The following TSHR variants were observed in gnomAD, a reference collection of about 807,000 sequenced individuals.
TSHR encodes thyroid stimulating hormone receptor, also known as thyrotropin receptor.
TSHR carries 51 observed loss-of-function variants against 64.1 expected under a neutral mutation model. The ratio of observed to expected loss-of-function variants is 0.80; its 90% CI spans 0.64 to 1.01. TSHR has a LOEUF of 1.01. Among genes scored for constraint, TSHR ranks in the 50% least tolerant of loss-of-function variants. The pLI is 0.00. For missense variants in TSHR, 877 were observed against 942.8 expected, an observed-to-expected ratio of 0.93 and a Z score of 0.91; for synonymous variants, 361 against 361.9, an observed-to-expected ratio of 1.00 and a Z score of 0.03.
chr14:81,091,667 A>G (rs971271465), intron 5 of TSHR, among the ~76,000 whole-genome samples: 2 of 152,252 alleles, frequency 1.3e-5, no homozygotes, highest in African/African-American at 2.4e-5. Flanking sequence ...CACACATGAC[A>G]TTTGCTCCTC....
intron 1 of TSHR, among the ~76,000 whole-genome samples, chr14:80,999,926 C>CTTTTTTTTTTTTTTTTTTTTTTT (rs887541689): frequency 7.0e-6 from 1 of 142,872 alleles, no homozygotes; most frequent in African/African-American, 2.6e-5. Flanking sequence ...AATTTTTTTT[C>CTTTTTTTTTTTTTTTTTTTTTTT]TTTTTTTTCT....
At chr14:81,024,317 C>T (rs1217755594) in intron 1 of TSHR, among the ~76,000 whole-genome samples, 10 of 151,944 alleles carry the variant, frequency 6.6e-5, no homozygotes, top group Admixed American at 2.0e-4. Context: ...GGCGCAATCT[C>T]GGCTCACTGC....
At chr14:81,035,162 C>A (rs562859846) in intron 1 of TSHR, among the ~76,000 whole-genome samples, 1 of 152,214 alleles carries the variant, frequency 6.6e-6, no homozygotes, top group South Asian at 2.1e-4. Context: ...AGAGTTGAAG[C>A]GGCCCTGAAA....
intron 3 of TSHR, among the ~76,000 whole-genome samples, chr14:81,083,311 T>G (rs772409942): frequency 3.9e-5 from 6 of 152,218 alleles, no homozygotes; most frequent in Non-Finnish European, 8.8e-5. Context: ...GCATGCTGAA[T>G]TATTGATCTG....
chr14:81,027,692 A>G (rs150083785), intron 1 of TSHR, among the ~76,000 whole-genome samples: 21 of 152,318 alleles, frequency 1.4e-4, no homozygotes, highest in African/African-American at 4.6e-4. Context: ...ATGAGCTTTA[A>G]AAAAGCTGTT....
At chr14:81,125,049 C>T (rs1020025829) in intron 8 of TSHR, among the ~76,000 whole-genome samples, 16 of 152,158 alleles carry the variant, frequency 1.1e-4, no homozygotes, top group Admixed American at 2.6e-4. Flanking sequence ...GGATAAGACA[C>T]AGCCTCTGCT....
chr14:81,062,352 T>G, intron 2 of TSHR, 133 bp downstream of exon 2: 2 of 621,544 alleles, frequency 3.2e-6, no homozygotes. Flanking sequence ...TATATGACAA[T>G]TTTATGTACA....
chr14:81,144,435 C>A lies in TSHR; in HGVS notation c.*82C>A. 1 of 1,385,890 alleles carries A rather than the reference C, an allele frequency of 7.2e-7. No individual in the cohort carries two copies. The highest frequency in any genetic ancestry group is 1.2e-5 in the South Asian group (1 of 84,678). 85.8% of individuals were successfully genotyped at this position (1,385,890 alleles called of 1,614,324 possible). ...ATATGCATTCCAATCCCATGACACC[C>A]CCAACACATAGCTGCCCTCACTCTT... is the stretch of plus-strand genomic sequence containing the variant. On this transcript the variant is annotated 3_prime_UTR_variant, in exon 10 of 10. Coordinates refer to ENST00000298171, the MANE Select transcript of TSHR (RefSeq NM_000369.5).
At chr14:81,048,403 C>T (rs188799175) in intron 1 of TSHR, among the ~76,000 whole-genome samples, 18 of 152,212 alleles carry the variant, frequency 1.2e-4, no homozygotes, top group Admixed American at 1.0e-3. Context: ...GGGCTTTCTT[C>T]TGTTATTATT....
At position 81,031,881 on chromosome 14, in the gene TSHR, A is replaced by G. The variant is rs1370332727; in HGVS notation, c.171-30267A>G. 3.3e-5 allele frequency among the ~76,000 whole-genome samples: 5 copies of G among 152,208 alleles called. No homozygotes were observed. In the East Asian group the frequency reaches 9.6e-4, roughly 29 times the overall value. On this transcript the variant is annotated intron_variant, in intron 1 of 9. Coordinates refer to ENST00000298171, the MANE Select transcript of TSHR (RefSeq NM_000369.5). ...CACTCTACCCAACTGACTCCCTAGG[A>G]CACACCTTCAGGTGAAAGTCTTCCC...
chr14:81,048,984 T>C (rs180842098), intron 1 of TSHR, among the ~76,000 whole-genome samples: 1 of 152,302 alleles, frequency 6.6e-6, no homozygotes, highest in Non-Finnish European at 1.5e-5. Flanking sequence ...ACCAGAAATA[T>C]GCCACAGGAA....
intron 1 of TSHR, among the ~76,000 whole-genome samples, chr14:80,989,875 A>G (rs776179177): frequency 3.3e-5 from 5 of 152,190 alleles, no homozygotes; most frequent in Non-Finnish European, 7.3e-5. Flanking sequence ...TCAAGATTAA[A>G]TATCAGCCAG....
intron 8 of TSHR, among the ~76,000 whole-genome samples, chr14:81,109,566 T>G (rs1305662785): frequency 6.6e-6 from 1 of 152,230 alleles, no homozygotes; most frequent in Non-Finnish European, 1.5e-5. Flanking sequence ...TTATTAATCT[T>G]TTATTTATAG....
chr14:81,001,024 G>T (rs1219079383), intron 1 of TSHR: 1 of 152,640 alleles, frequency 6.6e-6, no homozygotes, highest in African/African-American at 2.4e-5. Context: ...TTAAGGGAAA[G>T]ATGGTGAGGT....
chr14:81,089,211 C>T (rs1026468124), intron 4 of TSHR, among the ~76,000 whole-genome samples: 1 of 152,142 alleles, frequency 6.6e-6, no homozygotes, highest in African/African-American at 2.4e-5. Context: ...TGGTGTCGAA[C>T]TCCTGACCTC....
At chr14:81,026,078 G>C (rs1475236043) in intron 1 of TSHR, among the ~76,000 whole-genome samples, 1 of 152,212 alleles carries the variant, frequency 6.6e-6, no homozygotes, top group Non-Finnish European at 1.5e-5. Context: ...GAAGACACAT[G>C]CAGACAAGCT....
At chr14:81,108,643 G>C in intron 8 of TSHR, 191 bp downstream of exon 8, 1 of 1,614,078 alleles carries the variant, frequency 6.2e-7, no homozygotes, top group Middle Eastern at 1.6e-4. Context: ...CTTGTCCTTT[G>C]AGACTCAGAA....
At chr14:81,093,820 C>T (rs1041170855) in intron 6 of TSHR, 1 of 152,220 alleles carries the variant, frequency 6.6e-6, no homozygotes, top group African/African-American at 2.4e-5. Flanking sequence ...GCCTGCTCAG[C>T]TCCAAACTTC....
At chr14:81,113,582 T>C in intron 8 of TSHR, among the ~76,000 whole-genome samples, 1 of 152,124 alleles carries the variant, frequency 6.6e-6, no homozygotes, top group East Asian at 1.9e-4. Context: ...GATCTTTTTT[T>C]AAACAACATT....
Sources: allele counts gnomAD v4.1 joint callset (sites outside exome capture counted in the v4.1 genomes callset), GRCh38; gene constraint gnomAD v4.1.1; transcripts MANE v1.5; gene names NCBI Gene and HGNC (gene_info 2026-07-23, HGNC 2026-07-21).